HOOK3: variants seen among roughly 807,000 people sequenced by gnomAD.
The protein encoded by HOOK3 is protein Hook homolog 3.
A neutral mutation model predicts 116.3 loss-of-function variants in HOOK3; 24 were observed. The ratio of observed to expected loss-of-function variants is 0.21; its 90% confidence interval spans 0.15 to 0.29. The LOEUF is 0.29. Among genes scored for constraint, HOOK3 ranks in the 10% least tolerant of loss-of-function variants. The pLI is 1.00. For missense variants in HOOK3, 632 were observed against 830.2 expected (o/e 0.76, Z 2.93); for synonymous variants, 275 against 283.0 (o/e 0.97, Z 0.28).
chr8:42,922,996 C>T (rs557266852), intron 2 of HOOK3, among the ~76,000 whole-genome samples: 57 of 151,894 alleles, frequency 3.8e-4, no homozygotes, highest in African/African-American at 1.3e-3. Context: ...AACAAAATAC[C>T]AAAACTCTTA....
chr8:42,974,209 C>A lies in HOOK3; in HGVS notation c.1321+15C>A. 1 of 1,571,954 alleles carries A rather than the reference C, an allele frequency of 6.4e-7. No homozygotes were observed. The highest frequency in any genetic ancestry group is 8.8e-7 in the Non-Finnish European group (1 of 1,142,750). On this transcript the variant is annotated intron_variant, in intron 13 of 21. Transcript: ENST00000307602. ...CACAACACAAGGTAAAAACGTTTTG[C>A]GAGTACAAACCAGATGATTTCTTTT...
chr8:42,973,885 A>G (rs1808771033), intron 12 of HOOK3, among the ~76,000 whole-genome samples: 1 of 152,260 alleles, frequency 6.6e-6, no homozygotes, highest in African/African-American at 2.4e-5. Context: ...TTGTTTAACT[A>G]TGGATAGCAT....
intron 13 of HOOK3, 86 bp downstream of exon 13, chr8:42,974,280 A>G (rs1411232415): frequency 8.3e-6 from 8 of 967,118 alleles, no homozygotes; most frequent in Non-Finnish European, 1.2e-5. Flanking sequence ...GCTGGAGTGC[A>G]ATGGCACTGT....
chr8:43,017,655 T>A (rs1026148880), intron 21 of HOOK3, among the ~76,000 whole-genome samples: 2 of 152,176 alleles, frequency 1.3e-5, no homozygotes, highest in African/African-American at 4.8e-5. Context: ...GACTTCTGCC[T>A]TTAGTAAGTA....
In HOOK3 at chr8:42,959,115, CA is replaced by C. The variant is rs1198454352; in HGVS notation, c.532-115del. ...CCACAGGATTCTTGATTTCCTCTTG[CA>C]CCCTTCCCTCTTCAGGAAAGACAGG... On this transcript the variant is annotated intron_variant, in intron 7 of 21. Coordinates refer to ENST00000307602, the MANE Select transcript of HOOK3 (RefSeq NM_032410.4). The C allele has an allele frequency of 4.6e-6, 3 of 651,322 alleles. No homozygotes were observed. The African/African-American group carries it at 5.5e-5, about 12-fold the overall frequency. The allele number at this position is 651,322 out of a possible 1,614,324, so 40.3% of individuals were successfully genotyped here. A position where few individuals can be genotyped will look rare whatever the true frequency, so the allele number is the denominator to read the frequency against.
intron 2 of HOOK3, among the ~76,000 whole-genome samples, chr8:42,907,456 C>T (rs1807332413): frequency 6.6e-6 from 1 of 152,122 alleles, no homozygotes. Context: ...CTCAAGAAGG[C>T]TCATTGGGAA....
At chr8:42,972,660 A>C (rs1808746633) in intron 11 of HOOK3, among the ~76,000 whole-genome samples, 1 of 152,176 alleles carries the variant, frequency 6.6e-6, no homozygotes, top group African/African-American at 2.4e-5. Context: ...TCAGCTTCCC[A>C]AAGTGCTGGG....
chr8:42,917,348 C>A (rs562300677), intron 2 of HOOK3, among the ~76,000 whole-genome samples: 3 of 152,288 alleles, frequency 2.0e-5, no homozygotes, highest in African/African-American at 7.2e-5. Flanking sequence ...TGATTGAAGT[C>A]ATTGGTCATG....
At chr8:42,996,992 G>A (rs1809291362) in intron 15 of HOOK3, among the ~76,000 whole-genome samples, 1 of 135,700 alleles carries the variant, frequency 7.4e-6, no homozygotes, top group Non-Finnish European at 1.5e-5. Flanking sequence ...CTTCAGCCTC[G>A]ACCTCCTGGG....
At chr8:42,931,856 G>A (rs1208107330) in intron 4 of HOOK3, among the ~76,000 whole-genome samples, 5 of 151,952 alleles carry the variant, frequency 3.3e-5, no homozygotes, top group African/African-American at 1.2e-4. Flanking sequence ...CTGGGTTCAC[G>A]CCATTCTCCT....
intron 3 of HOOK3, 83 bp from the exon 4 acceptor site, chr8:42,930,039 G>A: frequency 8.2e-7 from 1 of 1,226,380 alleles, no homozygotes; most frequent in Non-Finnish European, 1.1e-6. Flanking sequence ...TGCAGTGATT[G>A]GTTGGCTCAG....
chr8:43,009,049 T>C (rs1401841827), intron 18 of HOOK3, among the ~76,000 whole-genome samples: 2 of 152,026 alleles, frequency 1.3e-5, no homozygotes, highest in East Asian at 1.9e-4. Context: ...GGTAGGAGGA[T>C]TGCTTGAGCC....
At chr8:42,963,465 T>C (rs1024726931) in intron 8 of HOOK3, among the ~76,000 whole-genome samples, 1 of 152,236 alleles carries the variant, frequency 6.6e-6, no homozygotes, top group Non-Finnish European at 1.5e-5. Flanking sequence ...CAAATGAAGC[T>C]GCTATAAACA....
chr8:43,013,549 C>A, intron 21 of HOOK3, 149 bp downstream of exon 21: 1 of 620,590 alleles, frequency 1.6e-6, no homozygotes, highest in Non-Finnish European at 2.5e-6. Context: ...AATGTTATTT[C>A]TGAACTGAAA....
intron 21 of HOOK3, among the ~76,000 whole-genome samples, chr8:43,014,598 C>T (rs1809675400): frequency 1.3e-5 from 2 of 151,986 alleles, no homozygotes; most frequent in Non-Finnish European, 2.9e-5. Context: ...GATCCACCTG[C>T]CTTGGCCTCC....
Position 42,966,603 on chromosome 8 carries a change from G to A in HOOK3, c.910G>A (p.Asp304Asn), listed in dbSNP as rs1291894442. Residue 304 changes from aspartate to asparagine, a missense_variant, in exon 10 of 22, where the codon GAC (aspartate) becomes AAC (asparagine). By Grantham distance (23) the Asp-to-Asn change is conservative (BLOSUM62 1). Coordinates refer to ENST00000307602, the MANE Select transcript of HOOK3 (RefSeq NM_032410.4). ...AGCTCAGTCTCTGAAAGATGAGATCGACGTGCTGAGGTAAAAACCTCACCT... is the reference window on the plus strand; with the variant it reads ...AGCTCAGTCTCTGAAAGATGAGATCAACGTGCTGAGGTAAAAACCTCACCT... ...DEAQSLKDEI[D>N]VLRHSSDKVS... The A allele has an allele frequency of 1.9e-6, 3 of 1,613,944 alleles. No homozygotes were observed. Among genetic ancestry groups the A allele is most frequent in the East Asian group, 2.2e-5 (1 of 44,890 alleles).
intron 6 of HOOK3, among the ~76,000 whole-genome samples, chr8:42,951,094 A>C (rs1262300729): frequency 6.6e-6 from 1 of 152,020 alleles, no homozygotes; most frequent in East Asian, 1.9e-4. Context: ...TGTTTGACCA[A>C]GTCTCACTCT....
intron 2 of HOOK3, among the ~76,000 whole-genome samples, chr8:42,924,345 C>T (rs1807722244): frequency 6.9e-6 from 1 of 144,532 alleles, no homozygotes; most frequent in Non-Finnish European, 1.5e-5. Context: ...CCCTTCCTTC[C>T]TTCCTAGTGT....
chr8:42,909,085 A>G (rs1352017310), intron 2 of HOOK3, among the ~76,000 whole-genome samples: 3 of 152,254 alleles, frequency 2.0e-5, no homozygotes, highest in African/African-American at 4.8e-5. Flanking sequence ...CCAGGGAAAT[A>G]TAAATTAAAA....
Sources: gnomAD v4.1 joint callset for allele counts (sites outside exome capture counted in the v4.1 genomes callset) on GRCh38, gnomAD v4.1.1 for gene constraint, MANE v1.5 for transcripts, NCBI Gene and HGNC (gene_info 2026-07-23, HGNC 2026-07-21) for gene names.